The following CDC42EP4 variants were observed in gnomAD, a reference collection of about 807,000 sequenced individuals.
CDC42EP4 encodes CDC42 effector protein (Rho GTPase binding) 4.
Under a neutral mutation model 5.6 loss-of-function variants are expected in CDC42EP4, and 6 were observed. The observed-to-expected ratio is 1.07, with a 90% CI of 0.59 to 2.12. The LOEUF is 2.12. Ranked by LOEUF, CDC42EP4 falls within the 30% of genes most tolerant of loss-of-function variation. The pLI is 0.00. For synonymous variants in CDC42EP4, 230 were observed against 224.2 expected (o/e 1.03, Z -0.23); for missense variants, 490 against 508.6 (o/e 0.96, Z 0.35).
At chr17:73,304,876 C>G (rs1599442202) in intron 1 of CDC42EP4, among the ~76,000 whole-genome samples, 2 of 152,192 alleles carry the variant, frequency 1.3e-5, no homozygotes, top group Non-Finnish European at 2.9e-5. Flanking sequence ...GCCCAACACC[C>G]CAGGTCCATC....
intron 1 of CDC42EP4, among the ~76,000 whole-genome samples, chr17:73,292,212 T>A (rs1402673705): frequency 6.6e-6 from 1 of 152,250 alleles, no homozygotes; most frequent in Non-Finnish European, 1.5e-5. Flanking sequence ...CCTCCGCCAC[T>A]GCTGCTGGGC....
chr17:73,308,474 A>G (rs2062255967), intron 1 of CDC42EP4, among the ~76,000 whole-genome samples: 1 of 152,222 alleles, frequency 6.6e-6, no homozygotes, highest in Admixed American at 6.5e-5. Context: ...CAGAACCAGA[A>G]TGAGAACACA....
chr17:73,309,519 A>G (rs2062262621), intron 1 of CDC42EP4, among the ~76,000 whole-genome samples: 1 of 152,082 alleles, frequency 6.6e-6, no homozygotes, highest in Non-Finnish European at 1.5e-5. Flanking sequence ...AGGCAGCAGC[A>G]CAGTGGAGGC....
intron 1 of CDC42EP4, among the ~76,000 whole-genome samples, chr17:73,304,962 A>AC (rs1357650502): frequency 3.3e-5 from 5 of 151,960 alleles, no homozygotes; most frequent in Non-Finnish European, 5.9e-5. Context: ...TCCTGCACCC[A>AC]CCTCATCCTT....
intron 1 of CDC42EP4, among the ~76,000 whole-genome samples, chr17:73,300,443 G>A (rs1480430827): frequency 2.0e-5 from 3 of 152,120 alleles, no homozygotes; most frequent in Non-Finnish European, 4.4e-5. Flanking sequence ...AAGCAATAGT[G>A]CACACCAGAA....
Position 73,296,990 on chromosome 17 carries a change from A to AC in CDC42EP4, c.-112-10379_-112-10378insG, listed in dbSNP as rs1402507161. Among the ~76,000 whole-genome samples, 8 of 117,436 alleles carry AC rather than the reference A, an allele frequency of 6.8e-5. 1 individual carries two copies. Among genetic ancestry groups the AC allele is most frequent in the South Asian group, 5.7e-4 (2 of 3,490 alleles). 77.0% of individuals were successfully genotyped at this position (117,436 alleles called of 152,430 possible). On this transcript the variant is annotated intron_variant, in intron 1 of 1. Transcript: ENST00000335793. ...AGCAAGACTCCGTCTCAAAAAAAAA[A>AC]AAAAAAAAAAAAAATACACAAGGCC...
chr17:73,293,194 G>A (rs370616287), intron 1 of CDC42EP4, among the ~76,000 whole-genome samples: 1 of 152,192 alleles, frequency 6.6e-6, no homozygotes, highest in Non-Finnish European at 1.5e-5. Context: ...GGAAACCGGC[G>A]GCTGTTTGTA....
chr17:73,308,620 T>C (rs1033592971), intron 1 of CDC42EP4, among the ~76,000 whole-genome samples: 4 of 152,156 alleles, frequency 2.6e-5, no homozygotes, highest in African/African-American at 4.8e-5. Flanking sequence ...AAACACCTTT[T>C]GGCCACACCT....
chr17:73,311,059 TC>T (rs1465498166), intron 1 of CDC42EP4: 1 of 152,150 alleles, frequency 6.6e-6, no homozygotes, highest in African/African-American at 2.4e-5. Flanking sequence ...CCGCCTGCGA[TC>T]CCGCTGAGCG....
At chr17:73,289,346 AAAAG>A (rs2062149360) in intron 1 of CDC42EP4, among the ~76,000 whole-genome samples, 2 of 152,180 alleles carry the variant, frequency 1.3e-5, no homozygotes, top group Admixed American at 6.5e-5. Context: ...CAAAATCAAA[AAAAG>A]AAAGAAAGGA....
intron 1 of CDC42EP4, among the ~76,000 whole-genome samples, chr17:73,290,586 T>C (rs1243160256): frequency 6.6e-6 from 1 of 152,186 alleles, no homozygotes; most frequent in African/African-American, 2.4e-5. Context: ...TCTCAAGATA[T>C]TGCCCAATGT....
chr17:73,300,921 T>C (rs1442036061), intron 1 of CDC42EP4, among the ~76,000 whole-genome samples: 1 of 152,034 alleles, frequency 6.6e-6, no homozygotes, highest in African/African-American at 2.4e-5. Flanking sequence ...GGCGTGCGCC[T>C]GTAATCCCAG....
rs1180293772 is a variant in CDC42EP4, at chr17:73,307,763, T to C, written c.-113+4130A>G. On this transcript the variant is annotated intron_variant, in intron 1 of 1. Coordinates refer to ENST00000335793, the MANE Select transcript of CDC42EP4 (RefSeq NM_012121.5). ...ACGCCTGGCCCTGAATTTCTCTCTT[T>C]TTTTTTTTTTTTTTTTTGAGATGGA... Among the ~76,000 whole-genome samples the C allele has an allele frequency of 3.8e-4, 23 of 60,028 alleles. 1 individual carries two copies. The highest frequency in any genetic ancestry group is 1.3e-3 in the East Asian group (2 of 1,562). The allele number at this position is 60,028 out of a possible 152,430, so 39.4% of individuals were successfully genotyped here.
intron 1 of CDC42EP4, among the ~76,000 whole-genome samples, chr17:73,309,472 T>C (rs542926574): frequency 7.6e-4 from 116 of 152,254 alleles, no homozygotes; most frequent in South Asian, 1.2e-3. Flanking sequence ...TTCTGACTCC[T>C]TGGTCTCTGG....
chr17:73,299,392 T>C (rs1214600323), intron 1 of CDC42EP4, among the ~76,000 whole-genome samples: 1 of 107,544 alleles, frequency 9.3e-6, no homozygotes, highest in African/African-American at 3.6e-5. Context: ...ATCATGCCAC[T>C]GCACTCCAGC....
At chr17:73,289,279 G>A (rs1481282946) in intron 1 of CDC42EP4, among the ~76,000 whole-genome samples, 2 of 152,116 alleles carry the variant, frequency 1.3e-5, no homozygotes, top group Non-Finnish European at 2.9e-5. Context: ...AGGAGGATCA[G>A]TTGAGCCCAG....
At chr17:73,296,980 CAAA>C (rs35158994) in intron 1 of CDC42EP4, among the ~76,000 whole-genome samples, 5 of 18,134 alleles carry the variant, frequency 2.8e-4, no homozygotes, top group African/African-American at 4.0e-4. Context: ...GACTCCGTCT[CAAA>C]AAAAAAAAAA....
At chr17:73,311,685 G>A (rs1442326818) in intron 1 of CDC42EP4, among the ~76,000 whole-genome samples, 2 of 152,374 alleles carry the variant, frequency 1.3e-5, no homozygotes, top group African/African-American at 2.4e-5. Flanking sequence ...TAGGTGCGCA[G>A]CTTAGGGTCC....
In CDC42EP4 at chr17:73,286,223, G is replaced by A; in HGVS notation, c.278C>T (p.Thr93Ile). ...FRGSKRSQSV[T>I]RGEREQRDML... ...GTCACGCTGCTCCCGCTCCCCCCTG[G>A]TCACCGACTGTGACCGCTTGCTGCC... The change falls in exon 2 of 2, where the codon ACC (threonine) becomes ATC (isoleucine). Residue 93 changes from threonine to isoleucine, a missense_variant. Transcript: ENST00000335793. The surrounding 1 kb of genome is among the most constrained non-coding windows in gnomAD (Gnocchi z 7.7). The A allele has an allele frequency of 6.2e-7, 1 of 1,614,186 alleles. No individual in the cohort carries two copies. The highest frequency in any genetic ancestry group is 8.5e-7 in the Non-Finnish European group (1 of 1,180,050).
Sources: gnomAD v4.1 joint callset for allele counts (sites outside exome capture counted in the v4.1 genomes callset) on GRCh38, gnomAD v4.1.1 for gene constraint, Gnocchi (gnomAD v3.1) non-coding constraint, MANE v1.5 for transcripts, NCBI Gene and HGNC (gene_info 2026-07-23, HGNC 2026-07-21) for gene names.